The following CACNB2 variants were observed in gnomAD, a reference collection of about 807,000 sequenced individuals.
CACNB2 encodes calcium voltage-gated channel auxiliary subunit beta 2.
A neutral mutation model predicts 73.3 loss-of-function variants in CACNB2; 42 were observed. The observed-to-expected ratio is 0.57, with a 90% CI of 0.45 to 0.74. The LOEUF is 0.74. Among genes scored for constraint, CACNB2 ranks in the 30% least tolerant of loss-of-function variants. The pLI, the probability that CACNB2 is intolerant of heterozygous loss-of-function variation, is 0.00. For synonymous variants in CACNB2, 348 were observed against 310.3 expected, an observed-to-expected ratio of 1.12 and a Z score of -1.28; for missense variants, 940 against 853.0, an observed-to-expected ratio of 1.10 and a Z score of -1.27.
chr10:18,148,844 T>C (rs542758349), intron 1 of CACNB2, among the ~76,000 whole-genome samples: 4 of 151,850 alleles, frequency 2.6e-5, no homozygotes, highest in South Asian at 2.1e-4. Flanking sequence ...AAAACAAAAA[T>C]TAGCCAAGCA....
intron 9 of CACNB2, among the ~76,000 whole-genome samples, chr10:18,525,825 A>T (rs1306579415): frequency 6.6e-6 from 1 of 151,946 alleles, no homozygotes; most frequent in Non-Finnish European, 1.5e-5. Context: ...ACCCTTTGGA[A>T]ATGTTACATT....
chr10:18,199,081 A>C (rs1226980985), intron 2 of CACNB2, among the ~76,000 whole-genome samples: 1 of 152,152 alleles, frequency 6.6e-6, no homozygotes, highest in Non-Finnish European at 1.5e-5. Flanking sequence ...AAGTATGTTG[A>C]TATGTGTCCG....
chr10:18,295,371 C>T (rs770268013), intron 2 of CACNB2, among the ~76,000 whole-genome samples: 67 of 152,136 alleles, frequency 4.4e-4, no homozygotes, highest in Admixed American at 3.7e-3. Flanking sequence ...GACTTTATAC[C>T]ACACTAACCA....
chr10:18,435,184 C>G (rs991555282), intron 3 of CACNB2, among the ~76,000 whole-genome samples: 2 of 152,206 alleles, frequency 1.3e-5, no homozygotes, highest in African/African-American at 2.4e-5. Flanking sequence ...AGGAGTCCAA[C>G]CTGGAACCCT....
intron 2 of CACNB2, among the ~76,000 whole-genome samples, chr10:18,356,419 T>C (rs1251129144): frequency 6.6e-6 from 1 of 152,144 alleles, no homozygotes; most frequent in Admixed American, 6.5e-5. Context: ...TGGATTATTA[T>C]TATTGTTGTT....
chr10:18,383,720 T>C (rs530445331), intron 2 of CACNB2, among the ~76,000 whole-genome samples: 1 of 152,298 alleles, frequency 6.6e-6, no homozygotes, highest in Admixed American at 6.5e-5. Flanking sequence ...CCATTGTTTT[T>C]TTTTAAATGG....
At position 18,457,948 on chromosome 10, in the gene CACNB2, CT is replaced by C. The variant is rs2047369703; in HGVS notation, c.334-40405del. 3.3e-5 allele frequency among the ~76,000 whole-genome samples: 5 copies of C among 152,064 alleles called. No individual in the cohort carries two copies. In the South Asian group the frequency reaches 1.0e-3, roughly 32 times the overall value. On this transcript the variant is annotated intron_variant, in intron 3 of 13. Transcript: ENST00000324631. ...GAGAAGTACTAAATATAAAAATCAA[CT>C]TATTTTTAGTAGAATGTATTTGTTC...
chr10:18,454,606 C>G (rs187994429), intron 3 of CACNB2, among the ~76,000 whole-genome samples: 3 of 152,294 alleles, frequency 2.0e-5, no homozygotes, highest in African/African-American at 7.2e-5. Flanking sequence ...ATCATAGGAC[C>G]AAGTTTTAAA....
intron 3 of CACNB2, among the ~76,000 whole-genome samples, chr10:18,424,371 A>C (rs1332651575): frequency 6.6e-6 from 1 of 152,218 alleles, no homozygotes; most frequent in African/African-American, 2.4e-5. Context: ...TTAAGGGGCT[A>C]TTCGTGCAGA....
In CACNB2 at chr10:18,443,002, A is replaced by ATG. The variant is rs1431051201; in HGVS notation, c.333+40960_333+40961insGT. 1.2e-4 allele frequency among the ~76,000 whole-genome samples: 3 copies of ATG among 24,250 alleles called. 1 individual carries two copies. The highest frequency in any genetic ancestry group is 3.7e-3 in the East Asian group (2 of 540). 15.9% of individuals were successfully genotyped at this position (24,250 alleles called of 152,430 possible). On this transcript the variant is annotated intron_variant, in intron 3 of 13. Coordinates refer to ENST00000324631, the MANE Select transcript of CACNB2 (RefSeq NM_201596.3). ...TATATATATGTATATATATATGTGT[A>ATG]TATATATATATGTATATATATATAT...
intron 2 of CACNB2, among the ~76,000 whole-genome samples, chr10:18,335,784 A>AAC (rs10545839): frequency 0.046 from 6,607 of 143,976 alleles, 239 homozygotes; most frequent in African/African-American, 0.096. Flanking sequence ...ACAGCAAGAA[A>AAC]ACACACACAC....
At chr10:18,356,938 A>G (rs1036541988) in intron 2 of CACNB2, among the ~76,000 whole-genome samples, 4 of 94,484 alleles carry the variant, frequency 4.2e-5, no homozygotes, top group African/African-American at 1.5e-4. Flanking sequence ...CCCAGACTCA[A>G]TTTCTTTTTT....
chr10:18,221,975 G>A (rs923487799), intron 2 of CACNB2, among the ~76,000 whole-genome samples: 4 of 152,222 alleles, frequency 2.6e-5, no homozygotes, highest in Non-Finnish European at 1.5e-5. Context: ...GGAGGGACCA[G>A]AGAATTAGGA....
At chr10:18,218,199 A>G (rs904479275) in intron 2 of CACNB2, among the ~76,000 whole-genome samples, 1 of 152,150 alleles carries the variant, frequency 6.6e-6, no homozygotes, top group African/African-American at 2.4e-5. Context: ...ACAAATGTAC[A>G]TTGTTTGTGA....
At chr10:18,456,275 G>T (rs766423851) in intron 3 of CACNB2, among the ~76,000 whole-genome samples, 3 of 151,908 alleles carry the variant, frequency 2.0e-5, no homozygotes, top group Admixed American at 2.0e-4. Context: ...GTTCGAGAAC[G>T]GCCTGACCAA....
chr10:18,388,881 T>TAA (rs762055226), intron 2 of CACNB2, among the ~76,000 whole-genome samples: 5 of 152,238 alleles, frequency 3.3e-5, no homozygotes, highest in Non-Finnish European at 7.3e-5. Context: ...TTCATGTGCA[T>TAA]AAAGAGGCTT....
chr10:18,192,452 ATCC>A (rs1211451795), intron 2 of CACNB2, among the ~76,000 whole-genome samples: 3 of 152,110 alleles, frequency 2.0e-5, no homozygotes, highest in Non-Finnish European at 4.4e-5. Context: ...GGCTCAAGTG[ATCC>A]TCCTGCCTTA....
At chr10:18,246,850 A>C (rs1358269121) in intron 2 of CACNB2, among the ~76,000 whole-genome samples, 1 of 152,056 alleles carries the variant, frequency 6.6e-6, no homozygotes, top group African/African-American at 2.4e-5. Flanking sequence ...GGCCTCAGGC[A>C]GTCTTTCAAC....
rs1368330210 is a variant in CACNB2 at position 18,538,347 on chromosome 10, C to G, written c.1470C>G (p.Thr490=). The change falls in exon 13 of 14, where the codon ACC becomes ACG. Residue 490 remains threonine, a synonymous_variant. Coordinates refer to ENST00000324631, the MANE Select transcript of CACNB2 (RefSeq NM_201596.3). ...CTTCAAGTCTGCCTCTTAGCCCCAC[C>G]CTAGCCTCTAATTCACAGGTAAGGG... The part of the protein sequence containing the change: ...LATSSLPLSP[T]LASNSQGSQG... 2 of 1,612,896 alleles carry G rather than the reference C, an allele frequency of 1.2e-6. No homozygotes were observed. The highest frequency in any genetic ancestry group is 2.2e-5 in the East Asian group (1 of 44,884).
Sources: gnomAD v4.1 joint callset for allele counts (sites outside exome capture counted in the v4.1 genomes callset) on GRCh38, gnomAD v4.1.1 for gene constraint, MANE v1.5 for transcripts, NCBI Gene and HGNC (gene_info 2026-07-23, HGNC 2026-07-21) for gene names.